GABRG3: variants seen among roughly 807,000 people sequenced by gnomAD.
GABRG3 encodes the protein gamma-aminobutyric acid type A receptor subunit gamma3.
GABRG3 carries 25 observed loss-of-function variants against 48.8 expected under a neutral mutation model. That is an observed-to-expected ratio of 0.51 (90% confidence interval 0.37 to 0.72). The LOEUF (loss-of-function observed/expected upper bound fraction) is 0.72, where lower values mean the gene tolerates loss of function less well. Ranked by LOEUF, GABRG3 falls within the 30% of genes least tolerant of loss-of-function variation. The probability of loss-of-function intolerance (pLI) is 0.00; values close to 1 mark genes in which losing one functional copy is unlikely to be tolerated. For synonymous variants in GABRG3, 227 were observed against 217.6 expected (o/e 1.04, Z -0.38); for missense variants, 394 against 577.9 (o/e 0.68, Z 3.26).
chr15:27,376,323 A>C (rs948572974), intron 5 of GABRG3, among the ~76,000 whole-genome samples: 2 of 152,194 alleles, frequency 1.3e-5, no homozygotes, highest in African/African-American at 2.4e-5. Flanking sequence ...TGCACGATGC[A>C]AACCATCAGT....
intron 5 of GABRG3, among the ~76,000 whole-genome samples, chr15:27,342,243 C>T (rs1894208134): frequency 6.6e-6 from 1 of 152,164 alleles, no homozygotes; most frequent in South Asian, 2.1e-4. Context: ...GACCCCAGTC[C>T]CCACCTACCA....
rs1480659624 is a variant in GABRG3, at chr15:27,352,077, A to G, written c.574+23189A>G. 2.1e-5 allele frequency among the ~76,000 whole-genome samples: 3 copies of G among 144,170 alleles called. No individual in the cohort carries two copies. The highest frequency in any genetic ancestry group is 4.6e-5 in the Non-Finnish European group (3 of 65,800). 94.6% of individuals were successfully genotyped at this position (144,170 alleles called of 152,430 possible). On this transcript the variant is annotated intron_variant, in intron 5 of 9. Coordinates refer to ENST00000615808, the MANE Select transcript of GABRG3 (RefSeq NM_033223.5). This position sits in a 1 kb window ranked among gnomAD's most constrained non-coding sequence, Gnocchi z 4.0. Reference sequence around the variant, plus strand: ...GTATGTGTGTATCGTGTGTGTGTGTATGGTGCATGTGTGTGTATGATGTGT... The same window carrying G: ...GTATGTGTGTATCGTGTGTGTGTGTGTGGTGCATGTGTGTGTATGATGTGT...
chr15:27,530,870 G>T (rs41303761), intron 9 of GABRG3: 2 of 348,498 alleles, frequency 5.7e-6, no homozygotes, highest in East Asian at 7.8e-5. Flanking sequence ...CAAAGCACAC[G>T]TGTAGGAAAC....
rs992952259 is a variant in GABRG3, at chr15:27,173,296, T to G, written c.270+146475T>G. Among the ~76,000 whole-genome samples, 3 of 152,226 alleles carry G rather than the reference T, an allele frequency of 2.0e-5. No homozygotes were observed. The East Asian group carries it at 5.8e-4, about 29-fold the overall frequency. On this transcript the variant is annotated intron_variant, in intron 3 of 9. Coordinates refer to ENST00000615808, the MANE Select transcript of GABRG3 (RefSeq NM_033223.5). ...TGCAGAGAAATGTATGCAATTAGAGTCCCGTTAGCAGTACAGCAAAGAACT... is the reference window on the plus strand; with the variant it reads ...TGCAGAGAAATGTATGCAATTAGAGGCCCGTTAGCAGTACAGCAAAGAACT...
chr15:27,429,064 A>C (rs1193874980), intron 5 of GABRG3, among the ~76,000 whole-genome samples: 1 of 152,220 alleles, frequency 6.6e-6, no homozygotes, highest in East Asian at 1.9e-4. Context: ...AGATCTTTGC[A>C]ATCTAGAATG....
intron 2 of GABRG3, among the ~76,000 whole-genome samples, chr15:26,994,351 G>T (rs1050536324): frequency 6.6e-6 from 1 of 151,166 alleles, no homozygotes; most frequent in Non-Finnish European, 1.5e-5. Context: ...TATTCTTTGT[G>T]TATACGTTTT....
chr15:27,083,027 A>G (rs1897016934), intron 3 of GABRG3, among the ~76,000 whole-genome samples: 1 of 152,242 alleles, frequency 6.6e-6, no homozygotes, highest in African/African-American at 2.4e-5. Flanking sequence ...TGTGTAGTGC[A>G]GCTTGTTTCA....
chr15:27,349,257 A>G (rs1417167374), intron 5 of GABRG3, among the ~76,000 whole-genome samples: 1 of 152,152 alleles, frequency 6.6e-6, no homozygotes, highest in Non-Finnish European at 1.5e-5. Context: ...AATTATATAT[A>G]ATTGAATTAA....
intron 6 of GABRG3, among the ~76,000 whole-genome samples, chr15:27,508,997 G>A (rs1219527781): frequency 6.6e-6 from 1 of 152,066 alleles, no homozygotes; most frequent in Non-Finnish European, 1.5e-5. Flanking sequence ...GGGATTATAG[G>A]CTTGAGCCAC....
intron 5 of GABRG3, among the ~76,000 whole-genome samples, chr15:27,406,336 A>G (rs567662942): frequency 1.2e-3 from 179 of 152,238 alleles, no homozygotes; most frequent in Admixed American, 2.3e-3. Context: ...TGTGGGCTGG[A>G]CTTAATGATT....
intron 5 of GABRG3, among the ~76,000 whole-genome samples, chr15:27,381,252 A>G (rs1895766686): frequency 6.6e-6 from 1 of 152,206 alleles, no homozygotes; most frequent in African/African-American, 2.4e-5. Flanking sequence ...CAGTTAGATG[A>G]TGGTGAAACA....
intron 3 of GABRG3, among the ~76,000 whole-genome samples, chr15:27,039,324 A>T (rs1896233941): frequency 6.6e-6 from 1 of 152,228 alleles, no homozygotes; most frequent in African/African-American, 2.4e-5. Context: ...TGAGGACAGG[A>T]TGTGGAGCTA....
chr15:27,152,116 G>T (rs1383683254), intron 3 of GABRG3, among the ~76,000 whole-genome samples: 1 of 152,076 alleles, frequency 6.6e-6, no homozygotes, highest in Non-Finnish European at 1.5e-5. Flanking sequence ...TTTCCTAAAG[G>T]TTTTATAGTT....
chr15:27,188,148 T>C (rs1367110778), intron 3 of GABRG3, among the ~76,000 whole-genome samples: 1 of 152,170 alleles, frequency 6.6e-6, no homozygotes, highest in Non-Finnish European at 1.5e-5. Context: ...TTGGGTTGGT[T>C]CCAAGTCTTT....
chr15:26,981,760 C>G (rs1187096128), intron 2 of GABRG3, among the ~76,000 whole-genome samples: 1 of 152,172 alleles, frequency 6.6e-6, no homozygotes, highest in East Asian at 1.9e-4. Context: ...CTTGCTTCTT[C>G]TCCTTCAGGA....
Position 27,316,270 on chromosome 15 carries a change from C to T in GABRG3, c.271-10539C>T, listed in dbSNP as rs895504007. On this transcript the variant is annotated intron_variant, in intron 3 of 9. Coordinates refer to ENST00000615808, the MANE Select transcript of GABRG3 (RefSeq NM_033223.5). ...GGGCCTAGTGGCGGGCGCCTGTAGT[C>T]CCAGCTACTTGGGAGGCTGAGGCAG... Among the ~76,000 whole-genome samples the T allele has an allele frequency of 5.9e-3, 894 of 151,092 alleles. 13 individuals are homozygous for T. The highest frequency in any genetic ancestry group is 0.021 in the African/African-American group (850 of 41,308).
At chr15:27,306,649 CAT>C (rs534790790) in intron 3 of GABRG3, among the ~76,000 whole-genome samples, 1,328 of 64,278 alleles carry the variant, frequency 0.021, 65 homozygotes, top group African/African-American at 0.055. Context: ...TATATATAAA[CAT>C]ATATATGAAC....
At chr15:27,459,767 TC>T (rs1889394027) in intron 5 of GABRG3, among the ~76,000 whole-genome samples, 1 of 152,224 alleles carries the variant, frequency 6.6e-6, no homozygotes, top group African/African-American at 2.4e-5. Context: ...CACCCACACT[TC>T]CTTGTAAGTA....
chr15:27,214,501 G>A (rs36104805), intron 3 of GABRG3, among the ~76,000 whole-genome samples: 80,448 of 151,668 alleles, frequency 0.53, 21,482 homozygotes, highest in East Asian at 0.66. Flanking sequence ...TTTTGGGTAA[G>A]CTACGTATGA....
Sources: gnomAD v4.1 joint callset for allele counts (sites outside exome capture counted in the v4.1 genomes callset) on GRCh38, gnomAD v4.1.1 for gene constraint, Gnocchi (gnomAD v3.1) non-coding constraint, MANE v1.5 for transcripts, NCBI Gene and HGNC (gene_info 2026-07-23, HGNC 2026-07-21) for gene names.